SCFD1: variants seen among roughly 807,000 people sequenced by gnomAD.
SCFD1 encodes sec1 family domain containing 1, also known as sec1 family domain-containing protein 1.
In SCFD1, 37 loss-of-function variants were observed where a neutral mutation model predicts 103.2. The observed-to-expected ratio is 0.36, with a 90% CI of 0.28 to 0.47. The LOEUF is 0.47. Ranked by LOEUF, SCFD1 falls within the 20% of genes least tolerant of loss-of-function variation. The pLI is 1.00. For synonymous variants in SCFD1, 264 were observed against 245.0 expected (o/e 1.08, Z -0.73); for missense variants, 639 against 761.2 (o/e 0.84, Z 1.89).
At chr14:30,676,195 T>A (rs769236610) in intron 14 of SCFD1, 4 of 152,212 alleles carry the variant, frequency 2.6e-5, no homozygotes, top group Non-Finnish European at 4.4e-5. Context: ...AGAATTTCCT[T>A]CAGGTCGGAG....
At chr14:30,676,997 T>C (rs1889085883) in intron 14 of SCFD1, among the ~76,000 whole-genome samples, 1 of 152,204 alleles carries the variant, frequency 6.6e-6, no homozygotes, top group Non-Finnish European at 1.5e-5. Context: ...TAGTTTAATA[T>C]GCTACCATGC....
intron 1 of SCFD1, among the ~76,000 whole-genome samples, chr14:30,627,827 C>T (rs1452180295): frequency 7.0e-6 from 1 of 142,280 alleles, no homozygotes; most frequent in Non-Finnish European, 1.5e-5. Context: ...GACAGACAGA[C>T]TGATCCTTCT....
At chr14:30,672,489 G>A (rs1888645874) in intron 11 of SCFD1, among the ~76,000 whole-genome samples, 3 of 152,186 alleles carry the variant, frequency 2.0e-5, no homozygotes, top group Admixed American at 2.0e-4. Context: ...CTGTTAATGA[G>A]ACATGACCTT....
In SCFD1 at chr14:30,694,824, A is replaced by T; in HGVS notation, c.1294A>T (p.Thr432Ser). ...ATATGAAGAAAAAATAATGAGCAAA[A>T]CTACTCTGGATAAATCTCTTCTAGA... is the stretch of plus-strand genomic sequence containing the variant. Reference protein sequence around the residue: ...FEYEEKIMSKTTLDKSLLDII... With the variant: ...FEYEEKIMSKSTLDKSLLDII... The change falls in exon 15 of 25, where the codon ACT becomes TCT. Residue 432 changes from threonine to serine, a missense_variant. By Grantham distance (58) the Thr-to-Ser change is moderately conservative. Coordinates refer to ENST00000458591, the MANE Select transcript of SCFD1 (RefSeq NM_016106.4). The T allele has an allele frequency of 6.3e-7, 1 of 1,582,682 alleles. No homozygotes were observed. The highest frequency in any genetic ancestry group is 8.5e-7 in the Non-Finnish European group (1 of 1,170,832).
At chr14:30,664,486 CCTT>C (rs1887739748) in intron 10 of SCFD1, among the ~76,000 whole-genome samples, 2 of 152,038 alleles carry the variant, frequency 1.3e-5, no homozygotes, top group Admixed American at 6.6e-5. Context: ...CCAGAGCGCC[CCTT>C]CTTCTCCAAA....
intron 15 of SCFD1, among the ~76,000 whole-genome samples, chr14:30,698,894 T>G (rs1276407597): frequency 2.0e-5 from 3 of 152,106 alleles, no homozygotes; most frequent in Admixed American, 1.3e-4. Flanking sequence ...TTTCAAAGAC[T>G]GAGAGGGGAA....
At position 30,703,040 on chromosome 14, in the gene SCFD1, C is replaced by A. The variant is rs191577832; in HGVS notation, c.1490+665C>A. Among the ~76,000 whole-genome samples the A allele has an allele frequency of 3.0e-4, 46 of 150,874 alleles. 1 individual carries two copies. Among genetic ancestry groups the A allele is most frequent in the African/African-American group, 1.1e-3 (46 of 40,948 alleles). On this transcript the variant is annotated intron_variant, in intron 17 of 24. Transcript: ENST00000458591. ...TTACTTAATGACATTGAGAAATGCT[C>A]ACGTTATATTGCAAAGTAAAAAAAA... is the stretch of plus-strand genomic sequence containing the variant.
At chr14:30,673,387 G>A in intron 12 of SCFD1, 40 bp downstream of exon 12, 1 of 1,115,392 alleles carries the variant, frequency 9.0e-7, no homozygotes, top group African/African-American at 1.6e-5. Flanking sequence ...TAGGAAAGAG[G>A]AGGATTATCT....
At chr14:30,684,803 CT>C (rs780577178) in intron 14 of SCFD1, among the ~76,000 whole-genome samples, 585 of 54,872 alleles carry the variant, frequency 0.011, 9 homozygotes, top group South Asian at 0.015. Context: ...GCAATTGTTT[CT>C]TTTTTTTTTT....
intron 9 of SCFD1, among the ~76,000 whole-genome samples, chr14:30,652,869 A>G (rs1395364452): frequency 6.6e-6 from 1 of 151,886 alleles, no homozygotes; most frequent in Non-Finnish European, 1.5e-5. Context: ...ATTAGCCAAG[A>G]GTGGTGGTGC....
At chr14:30,665,878 A>G (rs1250412834) in intron 10 of SCFD1, among the ~76,000 whole-genome samples, 1 of 151,618 alleles carries the variant, frequency 6.6e-6, no homozygotes, top group Non-Finnish European at 1.5e-5. Flanking sequence ...TACAGGAGCA[A>G]AACAAGATTC....
chr14:30,642,773 TTAGTAG>T (rs1391682150), intron 6 of SCFD1, among the ~76,000 whole-genome samples: 1 of 152,234 alleles, frequency 6.6e-6, no homozygotes, highest in Non-Finnish European at 1.5e-5. Context: ...GTTGTTTTTC[TTAGTAG>T]TAGTCTCCTA....
intron 10 of SCFD1, among the ~76,000 whole-genome samples, chr14:30,655,254 T>C (rs1389008636): frequency 6.6e-6 from 1 of 152,178 alleles, no homozygotes; most frequent in Admixed American, 6.5e-5. Flanking sequence ...GTGAATTATA[T>C]AGCTATGTGG....
chr14:30,657,485 A>G (rs1305342694), intron 10 of SCFD1, among the ~76,000 whole-genome samples: 1 of 152,216 alleles, frequency 6.6e-6, no homozygotes, highest in East Asian at 1.9e-4. Context: ...AAGTGAAAAT[A>G]TCCTTTTAAA....
At chr14:30,640,358 C>G (rs1018876990) in intron 6 of SCFD1, among the ~76,000 whole-genome samples, 1 of 152,116 alleles carries the variant, frequency 6.6e-6, no homozygotes, top group Non-Finnish European at 1.5e-5. Flanking sequence ...CTCAATTGTT[C>G]ATGTGAGAGA....
intron 14 of SCFD1, chr14:30,683,583 A>C: frequency 3.8e-6 from 1 of 264,090 alleles, no homozygotes; most frequent in South Asian, 3.9e-5. Context: ...GCTGGGTCGC[A>C]ATTTTGGGAG....
Position 30,735,763 on chromosome 14 carries a change from A to C in SCFD1, c.*154A>C. The C allele has an allele frequency of 1.9e-6, 1 of 518,616 alleles. No individual in the cohort carries two copies. Among genetic ancestry groups the C allele is most frequent in the Non-Finnish European group, 3.4e-6 (1 of 292,258 alleles). The allele number at this position is 518,616 out of a possible 1,614,324, so 32.1% of individuals were successfully genotyped here. A position where few individuals can be genotyped will look rare whatever the true frequency, so the allele number is the denominator to read the frequency against. On this transcript the variant is annotated 3_prime_UTR_variant, in exon 25 of 25. Transcript: ENST00000458591. ...AATTTTTAAGGAAATTATATACTTA[A>C]TATGTATTGATTAAAAGAAACATTT...
intron 1 of SCFD1, among the ~76,000 whole-genome samples, chr14:30,622,964 A>G (rs2093446044): frequency 6.6e-6 from 1 of 152,234 alleles, no homozygotes; most frequent in Admixed American, 6.5e-5. Flanking sequence ...TCTCATTTTA[A>G]TTGTTTGACA....
intron 9 of SCFD1, among the ~76,000 whole-genome samples, chr14:30,652,123 A>G (rs1886450558): frequency 1.3e-5 from 2 of 152,198 alleles, no homozygotes; most frequent in African/African-American, 4.8e-5. Context: ...CCCCGAGTCA[A>G]TGCAGTTAGG....
Sources: gnomAD v4.1 joint callset for allele counts (sites outside exome capture counted in the v4.1 genomes callset) on GRCh38, gnomAD v4.1.1 for gene constraint, MANE v1.5 for transcripts, NCBI Gene and HGNC (gene_info 2026-07-23, HGNC 2026-07-21) for gene names.